MASP2: variants seen among roughly 807,000 people sequenced by gnomAD.
MASP2 encodes mannan-binding lectin serine protease 2.
MASP2 carries 49 observed loss-of-function variants against 57.1 expected under a neutral mutation model. The observed-to-expected ratio is 0.86, with a 90% CI of 0.68 to 1.09. The LOEUF (loss-of-function observed/expected upper bound fraction) is 1.09. Ranked by LOEUF, MASP2 falls within the 50% of genes least tolerant of loss-of-function variation. The pLI, the probability that MASP2 is intolerant of heterozygous loss-of-function variation, is 0.00. For missense variants in MASP2, 900 were observed against 874.8 expected (o/e 1.03, Z -0.36); for synonymous variants, 379 against 340.8 (o/e 1.11, Z -1.24).
At chr1:11,042,257 AGGATGGGT>A (rs1330448844) in intron 6 of MASP2, among the ~76,000 whole-genome samples, 1 of 150,804 alleles carries the variant, frequency 6.6e-6, no homozygotes, top group African/African-American at 2.4e-5. Context: ...AGTGGGTAGA[AGGATGGGT>A]GGATGGGTGG....
At chr1:11,036,616 G>T (rs1482174419) in intron 7 of MASP2, among the ~76,000 whole-genome samples, 1 of 145,152 alleles carries the variant, frequency 6.9e-6, no homozygotes, top group Non-Finnish European at 1.5e-5. Flanking sequence ...TGCAAGGTGG[G>T]AAAAGTGTCT....
intron 10 of MASP2, among the ~76,000 whole-genome samples, chr1:11,028,945 C>T (rs1643791974): frequency 6.7e-6 from 1 of 150,162 alleles, no homozygotes. Context: ...GATCTCCTGA[C>T]CTCACGATCT....
At chr1:11,031,643 T>G (rs1643848134) in intron 8 of MASP2, among the ~76,000 whole-genome samples, 1 of 151,502 alleles carries the variant, frequency 6.6e-6, no homozygotes, top group Non-Finnish European at 1.5e-5. Context: ...ATAGTAAGAT[T>G]GGAGGAGCTG....
chr1:11,028,697 G>GTTTTTTTT lies in MASP2; in HGVS notation c.1298-1057_1298-1050dup, dbSNP rs1208974169. 8.0e-4 allele frequency among the ~76,000 whole-genome samples: 29 copies of GTTTTTTTT among 36,156 alleles called. 2 individuals carry two copies. The highest frequency in any genetic ancestry group is 3.5e-3 in the African/African-American group (27 of 7,656). The allele number at this position is 36,156 out of a possible 152,430, so 23.7% of individuals were successfully genotyped here. Reference sequence around the variant, plus strand: ...AATTAATATATTACTATCTTTCTGGGTTTTTTTTCTTTTTTTTTTTTTTTT... The same window carrying GTTTTTTTT: ...AATTAATATATTACTATCTTTCTGGGTTTTTTTTTTTTTTTTCTTTTTTTTTTTTTTTT... On this transcript the variant is annotated intron_variant, in intron 10 of 10. Coordinates refer to ENST00000400897, the MANE Select transcript of MASP2 (RefSeq NM_006610.4).
At position 11,047,034 on chromosome 1, in the gene MASP2, C is replaced by G. The variant is rs1194865604; in HGVS notation, c.91G>C (p.Ala31Pro). ...KWPEPVFGRL[A>P]SPGFPGEYAN... ...TACTCCCCTGGAAAGCCGGGGGATG[C>G]CAGGCGCCCGAACACAGGTTCAGGC... The change falls in exon 2 of 11, where the codon GCA (alanine) becomes CCA (proline). Residue 31 changes from alanine (A) to proline (P), a missense_variant. Ala to Pro is a conservative substitution (Grantham distance 27). Coordinates refer to ENST00000400897, the MANE Select transcript of MASP2 (RefSeq NM_006610.4). 4 of 1,551,278 alleles carry G rather than the reference C, an allele frequency of 2.6e-6. No homozygotes were observed. The African/African-American group carries it at 5.5e-5, about 21-fold the overall frequency.
intron 4 of MASP2, chr1:11,044,769 C>G: frequency 2.2e-6 from 3 of 1,344,074 alleles, no homozygotes; most frequent in Non-Finnish European, 3.0e-6. Context: ...CCTCCCGACC[C>G]TCCCACCCCA....
At chr1:11,029,056 A>G (rs1260661306) in intron 10 of MASP2, among the ~76,000 whole-genome samples, 1 of 143,098 alleles carries the variant, frequency 7.0e-6, no homozygotes, top group African/African-American at 2.6e-5. Flanking sequence ...GCAGTGGCGC[A>G]ATCTTGGCTC....
At chr1:11,039,943 G>A (rs1238216700) in intron 6 of MASP2, among the ~76,000 whole-genome samples, 2 of 151,518 alleles carry the variant, frequency 1.3e-5, no homozygotes, top group African/African-American at 4.9e-5. Flanking sequence ...GTGGGTGAAT[G>A]GCTGTAAGAA....
chr1:11,036,231 G>A (rs550751925), intron 7 of MASP2, among the ~76,000 whole-genome samples: 3 of 152,180 alleles, frequency 2.0e-5, no homozygotes, highest in East Asian at 1.9e-4. Flanking sequence ...GTCGCCGGGC[G>A]CGGTGGCTCA....
intron 4 of MASP2, chr1:11,044,761 T>TG: frequency 3.5e-4 from 462 of 1,312,770 alleles, no homozygotes; most frequent in Non-Finnish European, 4.3e-4. Context: ...CCCCGCCGCC[T>TG]CCCGACCCTC....
rs1438425073 is a variant in MASP2, at chr1:11,047,120, C to T, written c.6-1G>A. 14 of 1,549,916 alleles carry T rather than the reference C, an allele frequency of 9.0e-6. No homozygotes were observed. The highest frequency in any genetic ancestry group is 1.4e-5 in the African/African-American group (1 of 73,126). Reference sequence around the variant, plus strand: ...CAGAAGGCCCAGGAGGGTCAGCAGCCTATGGGCAGGGCAGGGGCGGTGAGG... The same window carrying T: ...CAGAAGGCCCAGGAGGGTCAGCAGCTTATGGGCAGGGCAGGGGCGGTGAGG... On this transcript the variant is annotated splice_acceptor_variant, in intron 1 of 10. Transcript: ENST00000400897. LOFTEE classifies it high-confidence loss of function.
intron 9 of MASP2, 168 bp from the exon 10 acceptor site, chr1:11,030,418 T>A (rs190718349): frequency 3.3e-6 from 2 of 599,860 alleles, no homozygotes; most frequent in African/African-American, 3.7e-5. Context: ...TGCATTACCA[T>A]GTTTGCTTGC....
Position 11,046,550 on chromosome 1 carries a change from G to A in MASP2, c.412+6C>T, listed in dbSNP as rs1638643099. 1 of 1,613,672 alleles carries A rather than the reference G, an allele frequency of 6.2e-7. No homozygotes were observed. The highest frequency in any genetic ancestry group is 1.3e-5 in the African/African-American group (1 of 74,950). On this transcript the variant is annotated splice_donor_region_variant and intron_variant, in intron 3 of 10. Transcript: ENST00000400897. ...CTGAGATGTTGCAGGACCCCTCTTGGCTCACCCTCGGCTGCATAGAAGGCC... is the reference window on the plus strand; with the variant it reads ...CTGAGATGTTGCAGGACCCCTCTTGACTCACCCTCGGCTGCATAGAAGGCC...
chr1:11,030,331 T>G, intron 9 of MASP2, 81 bp from the exon 10 acceptor site: 1 of 956,926 alleles, frequency 1.0e-6, no homozygotes, highest in South Asian at 1.4e-5. Context: ...CCTTGAAAAA[T>G]GTTGATTCTT....
intron 5 of MASP2, 42 bp downstream of exon 5, chr1:11,043,297 G>T (rs758613711): frequency 1.0e-5 from 16 of 1,542,868 alleles, no homozygotes; most frequent in African/African-American, 1.4e-5. Flanking sequence ...GCTGGGCTGA[G>T]GGGGAGGATC....
At chr1:11,036,771 C>T (rs1332915926) in intron 7 of MASP2, among the ~76,000 whole-genome samples, 4 of 151,646 alleles carry the variant, frequency 2.6e-5, no homozygotes, top group Non-Finnish European at 1.5e-5. Flanking sequence ...CTTACCTGTG[C>T]CCCTAAAGCA....
rs539445524 is a variant in MASP2 at position 11,035,651 on chromosome 1, T to C, written c.1009-745A>G. Among the ~76,000 whole-genome samples the C allele has an allele frequency of 7.3e-5, 11 of 151,724 alleles. No individual in the cohort carries two copies. The South Asian group carries it at 2.1e-3, about 29-fold the overall frequency. ...GGTTCACACCTGTAATCCCAGCACA[T>C]TGGGAGGCCGAGGTGGGAGGATTGC... On this transcript the variant is annotated intron_variant, in intron 7 of 10. Coordinates refer to ENST00000400897, the MANE Select transcript of MASP2 (RefSeq NM_006610.4).
intron 9 of MASP2, 36 bp downstream of exon 9, chr1:11,030,712 G>A (rs1643829010): frequency 1.3e-6 from 2 of 1,563,998 alleles, no homozygotes; most frequent in African/African-American, 1.4e-5. Context: ...CAAGTTCCAA[G>A]TATTGCCCAC....
chr1:11,046,512 C>A (rs1331860245), intron 3 of MASP2, 44 bp downstream of exon 3: 3 of 1,608,328 alleles, frequency 1.9e-6, no homozygotes, highest in Admixed American at 3.3e-5. Context: ...ACCCCCACAG[C>A]CAGCTGCGCA....
Sources: gnomAD v4.1 joint callset for allele counts (sites outside exome capture counted in the v4.1 genomes callset) on GRCh38, gnomAD v4.1.1 for gene constraint, MANE v1.5 for transcripts, NCBI Gene and HGNC (gene_info 2026-07-23, HGNC 2026-07-21) for gene names.